The following PACRG variants were observed in gnomAD, a reference collection of about 807,000 sequenced individuals.
The protein encoded by PACRG is parkin coregulated.
PACRG carries 29 observed loss-of-function variants against 29.7 expected under a neutral mutation model. The observed-to-expected ratio is 0.98, with a 90% CI of 0.73 to 1.33. The LOEUF is 1.33. Among genes scored for constraint, PACRG ranks in the 40% most tolerant of loss-of-function variants. The probability of loss-of-function intolerance (pLI) is 0.00; values close to 1 mark genes in which losing one functional copy is unlikely to be tolerated. For missense variants in PACRG, 279 were observed against 316.2 expected (o/e 0.88, Z 0.89); for synonymous variants, 116 against 118.7 (o/e 0.98, Z 0.15).
At chr6:162,822,229 C>T (rs990574747) in intron 2 of PACRG, among the ~76,000 whole-genome samples, 2 of 152,108 alleles carry the variant, frequency 1.3e-5, no homozygotes, top group African/African-American at 2.4e-5. Context: ...GCGGTCATTA[C>T]TAAGACCTTT....
Position 162,794,671 on chromosome 6 carries a change from C to T in PACRG, c.157-19476C>T, listed in dbSNP as rs144253843. ...TTTTTGCATGAATATGCAGTTGTCC[C>T]GCACCATATATCGAAAACTACCTTC... On this transcript the variant is annotated intron_variant, in intron 1 of 4. Coordinates refer to ENST00000366888, the MANE Select transcript of PACRG (RefSeq NM_001080379.2). Among the ~76,000 whole-genome samples the T allele has an allele frequency of 2.8e-3, 421 of 152,182 alleles. 3 individuals carry two copies. Among genetic ancestry groups the T allele is most frequent in the Non-Finnish European group, 4.7e-3 (318 of 68,014 alleles).
chr6:163,281,259 CA>C (rs1002394297), intron 4 of PACRG, among the ~76,000 whole-genome samples: 6 of 152,138 alleles, frequency 3.9e-5, no homozygotes, highest in African/African-American at 1.4e-4. Context: ...CAAGAAACGG[CA>C]GCAAGGCTAC....
chr6:163,088,816 C>G (rs1356901916), intron 3 of PACRG, among the ~76,000 whole-genome samples: 1 of 151,776 alleles, frequency 6.6e-6, no homozygotes, highest in Non-Finnish European at 1.5e-5. Context: ...CATGCCTCAC[C>G]CTCCTTCCCA....
rs1806800700 is a variant in PACRG, at chr6:163,023,181, G to A, written c.292-38969G>A. On this transcript the variant is annotated intron_variant, in intron 2 of 4. Transcript: ENST00000366888. ...TGGGAGTAGGAATCCCGTCACCCTG[G>A]CCATGAGCATAATACCCGATGGGTA... Among the ~76,000 whole-genome samples the A allele has an allele frequency of 7.2e-5, 11 of 152,042 alleles. No individual in the cohort carries two copies. The South Asian group carries it at 2.3e-3, about 32-fold the overall frequency.
At chr6:163,178,310 G>A (rs967461213) in intron 4 of PACRG, among the ~76,000 whole-genome samples, 5 of 152,212 alleles carry the variant, frequency 3.3e-5, no homozygotes, top group East Asian at 3.9e-4. Flanking sequence ...ACAGCTCGGC[G>A]TGGCACGGAC....
chr6:162,852,309 A>T (rs1790985748), intron 2 of PACRG, among the ~76,000 whole-genome samples: 1 of 152,168 alleles, frequency 6.6e-6, no homozygotes, highest in African/African-American at 2.4e-5. Flanking sequence ...AGGGTCCTCA[A>T]TTCTGGGCAT....
chr6:163,090,395 G>A (rs1229677346), intron 4 of PACRG: 1 of 152,128 alleles, frequency 6.6e-6, no homozygotes, highest in African/African-American at 2.4e-5. Context: ...TTAGAAAAAG[G>A]ACTTCAAACT....
At chr6:162,924,645 G>T (rs7753642) in intron 2 of PACRG, among the ~76,000 whole-genome samples, 79,094 of 151,822 alleles carry the variant, frequency 0.52, 21,492 homozygotes, top group Middle Eastern at 0.7. Context: ...CCATTGGGAT[G>T]ATAATACAGT....
In PACRG at chr6:163,055,542, A is replaced by T. The variant is rs1446924640; in HGVS notation, c.292-6608A>T. Reference sequence around the variant, plus strand: ...GAAGATATGTAAAAGGAATTTACATACAAAAAATCATCCTGTAGGAAGTAG... The same window carrying T: ...GAAGATATGTAAAAGGAATTTACATTCAAAAAATCATCCTGTAGGAAGTAG... On this transcript the variant is annotated intron_variant, in intron 2 of 4. Transcript: ENST00000366888. This position sits in a 1 kb window ranked among gnomAD's most constrained non-coding sequence, Gnocchi z 4.0. Among the ~76,000 whole-genome samples the T allele has an allele frequency of 1.3e-5, 2 of 152,248 alleles. No individual in the cohort carries two copies. The highest frequency in any genetic ancestry group is 4.8e-5 in the African/African-American group (2 of 41,464).
At chr6:162,981,011 A>G (rs62429314) in intron 2 of PACRG, among the ~76,000 whole-genome samples, 1,686 of 152,014 alleles carry the variant, frequency 0.011, 49 homozygotes, top group Admixed American at 0.064. Context: ...ACTGTACCCA[A>G]TGTGTAGTCC....
chr6:163,168,544 C>T (rs1778924839), intron 4 of PACRG, among the ~76,000 whole-genome samples: 1 of 101,190 alleles, frequency 9.9e-6, no homozygotes. Flanking sequence ...TCTGCTTTAA[C>T]TCCTATTCTA....
intron 4 of PACRG, among the ~76,000 whole-genome samples, chr6:163,202,721 C>A (rs1456797287): frequency 6.6e-6 from 1 of 152,110 alleles, no homozygotes; most frequent in Admixed American, 6.5e-5. Context: ...TTTATCTAAG[C>A]AATCCATACC....
intron 4 of PACRG, among the ~76,000 whole-genome samples, chr6:163,256,883 G>A (rs1440214290): frequency 1.3e-5 from 2 of 152,144 alleles, no homozygotes; most frequent in Non-Finnish European, 2.9e-5. Flanking sequence ...CAAGGTGTTG[G>A]CCATGTCGTT....
At chr6:162,732,690 G>A (rs181918463) in intron 1 of PACRG, among the ~76,000 whole-genome samples, 10 of 152,252 alleles carry the variant, frequency 6.6e-5, no homozygotes, top group African/African-American at 1.9e-4. Context: ...ACTAATGGGT[G>A]CCCTCATCAC....
chr6:162,812,377 C>T (rs80223363), intron 1 of PACRG, among the ~76,000 whole-genome samples: 2,709 of 152,154 alleles, frequency 0.018, 56 homozygotes, highest in Non-Finnish European at 0.027. Flanking sequence ...TAACAATACA[C>T]ACACACATGC....
chr6:162,986,395 G>T (rs775139216), intron 2 of PACRG, among the ~76,000 whole-genome samples: 1 of 152,082 alleles, frequency 6.6e-6, no homozygotes, highest in Non-Finnish European at 1.5e-5. Flanking sequence ...AGAGAACCCA[G>T]AAATAAAGCC....
At position 163,070,769 on chromosome 6, in the gene PACRG, T is replaced by C. The variant is rs561852323; in HGVS notation, c.463+8448T>C. ...AAAAGGCACAGAGTAGCTGAATTGA[T>C]TTAAAAAAAAAAAAGACCTAATGAT... is the stretch of plus-strand genomic sequence containing the variant. On this transcript the variant is annotated intron_variant, in intron 3 of 4. Coordinates refer to ENST00000366888, the MANE Select transcript of PACRG (RefSeq NM_001080379.2). 6.6e-5 allele frequency among the ~76,000 whole-genome samples: 10 copies of C among 150,510 alleles called. No homozygotes were observed. The East Asian group carries it at 2.0e-3, about 30-fold the overall frequency.
intron 4 of PACRG, among the ~76,000 whole-genome samples, chr6:163,198,142 A>C (rs558564981): frequency 1.6e-3 from 244 of 152,362 alleles, no homozygotes; most frequent in Middle Eastern, 3.4e-3. Flanking sequence ...TAGGCATTTC[A>C]GTCTAGCCTT....
At chr6:163,015,328 C>T (rs992022198) in intron 2 of PACRG, among the ~76,000 whole-genome samples, 10 of 152,028 alleles carry the variant, frequency 6.6e-5, no homozygotes, top group African/African-American at 2.4e-4. Flanking sequence ...TTTGGCTATT[C>T]GGCCTCATTT....
Sources: gnomAD v4.1 joint callset for allele counts (sites outside exome capture counted in the v4.1 genomes callset) on GRCh38, gnomAD v4.1.1 for gene constraint, Gnocchi (gnomAD v3.1) non-coding constraint, MANE v1.5 for transcripts, NCBI Gene and HGNC (gene_info 2026-07-23, HGNC 2026-07-21) for gene names.